Variants in ATP8B1 observed in about 807,000 individuals in gnomAD.
The protein encoded by ATP8B1 is phospholipid-transporting ATPase IC.
Under a neutral mutation model 149.9 loss-of-function variants are expected in ATP8B1, and 80 were observed. The observed-to-expected ratio is 0.53, with a 90% CI of 0.45 to 0.64. The LOEUF (loss-of-function observed/expected upper bound fraction) is 0.64, where lower values mean the gene tolerates loss of function less well. Ranked by LOEUF, ATP8B1 falls within the 30% of genes least tolerant of loss-of-function variation. The pLI, the probability that ATP8B1 is intolerant of heterozygous loss-of-function variation, is 0.00. For missense variants in ATP8B1, 1,247 were observed against 1,552.6 expected, an observed-to-expected ratio of 0.80 and a Z score of 3.31; for synonymous variants, 536 against 562.8, an observed-to-expected ratio of 0.95 and a Z score of 0.67.
chr18:57,743,995 G>A (rs955030583), intron 1 of ATP8B1, among the ~76,000 whole-genome samples: 2 of 152,072 alleles, frequency 1.3e-5, no homozygotes, highest in Non-Finnish European at 2.9e-5. Flanking sequence ...AACACTCAGT[G>A]CATGAATCTA....
At chr18:57,691,049 C>T (rs1373295782) in intron 12 of ATP8B1, among the ~76,000 whole-genome samples, 2 of 151,966 alleles carry the variant, frequency 1.3e-5, no homozygotes. Context: ...GTGATGGGCA[C>T]CCGTGATCCC....
intron 8 of ATP8B1, among the ~76,000 whole-genome samples, chr18:57,696,544 C>G: frequency 2.5e-5 from 1 of 40,546 alleles, no homozygotes. Flanking sequence ...TATTTTTTTC[C>G]GCCAAAAAAA....
intron 22 of ATP8B1, among the ~76,000 whole-genome samples, chr18:57,655,664 G>A (rs1909951212): frequency 6.6e-6 from 1 of 152,180 alleles, no homozygotes. Flanking sequence ...TCTCATGTGG[G>A]TGACGAATTC....
At chr18:57,754,718 C>T (rs1019195380) in intron 1 of ATP8B1, among the ~76,000 whole-genome samples, 2 of 152,116 alleles carry the variant, frequency 1.3e-5, no homozygotes, top group Non-Finnish European at 1.5e-5. Context: ...CAGCCCACGC[C>T]GGGGCTCAAA....
chr18:57,655,312 A>G lies in ATP8B1; in HGVS notation c.2813T>C (p.Val938Ala). Reference protein sequence around the residue: ...QFRYLQRLLLVHGRWSYIRMC... With the variant: ...QFRYLQRLLLAHGRWSYIRMC... The stretch of plus-strand genomic sequence containing the variant: ...CCTTATGTAAGACCATCGGCCATGC[A>G]CCAGCAGTAGCCTCTGCAGATATCG... The change falls in exon 23 of 28, where the codon GTG (valine) becomes GCG (alanine). Residue 938 changes from valine to alanine, a missense_variant. Around this residue, in one of 3 missense-constraint regions of ATP8B1, gnomAD observed 230 missense variants for 356.6 expected, o/e 0.65. Coordinates refer to ENST00000648908, the MANE Select transcript of ATP8B1 (RefSeq NM_001374385.1). 6.2e-7 allele frequency: 1 copy of G among 1,614,188 alleles called. No homozygotes were observed. Among genetic ancestry groups the G allele is most frequent in the Non-Finnish European group, 8.5e-7 (1 of 1,179,990 alleles).
chr18:57,720,927 G>A (rs2079639037), intron 2 of ATP8B1, among the ~76,000 whole-genome samples: 1 of 150,338 alleles, frequency 6.7e-6, no homozygotes, highest in Non-Finnish European at 1.5e-5. Context: ...CCAGAAGAGA[G>A]TGGGGGCCAG....
At chr18:57,708,418 A>G (rs1055046981) in intron 2 of ATP8B1, 1 of 152,178 alleles carries the variant, frequency 6.6e-6, no homozygotes, top group Non-Finnish European at 1.5e-5. Flanking sequence ...CTGTAATCAC[A>G]TAGGCAATCA....
chr18:57,666,997 AC>A, intron 20 of ATP8B1, 94 bp downstream of exon 20: 1 of 1,129,908 alleles, frequency 8.9e-7, no homozygotes, highest in Non-Finnish European at 1.3e-6. Flanking sequence ...ACACATCGTA[AC>A]CCCTATTTCT....
intron 11 of ATP8B1, among the ~76,000 whole-genome samples, chr18:57,692,310 T>TA (rs1445093872): frequency 6.6e-6 from 1 of 152,106 alleles, no homozygotes; most frequent in Non-Finnish European, 1.5e-5. Flanking sequence ...TTCTCTCAAT[T>TA]ACGTTTACTT....
chr18:57,668,270 T>G (rs1020773201), intron 19 of ATP8B1, 159 bp downstream of exon 19: 36 of 1,337,658 alleles, frequency 2.7e-5, no homozygotes, highest in Non-Finnish European at 3.6e-5. Flanking sequence ...AAGAATGTGC[T>G]GGAAAAACAG....
At chr18:57,761,033 AAAAT>A (rs1357180633) in intron 1 of ATP8B1, among the ~76,000 whole-genome samples, 8 of 123,002 alleles carry the variant, frequency 6.5e-5, no homozygotes, top group African/African-American at 1.7e-4. Context: ...AACATAAAAT[AAAAT>A]AAATAAAATA....
intron 1 of ATP8B1, among the ~76,000 whole-genome samples, chr18:57,758,040 C>T (rs2080102259): frequency 1.3e-5 from 2 of 152,088 alleles, no homozygotes; most frequent in African/African-American, 4.8e-5. Flanking sequence ...ATGGGGGTCT[C>T]ACCGTGTAGC....
chr18:57,734,550 C>T (rs1307051825), intron 1 of ATP8B1, among the ~76,000 whole-genome samples: 1 of 152,166 alleles, frequency 6.6e-6, no homozygotes, highest in African/African-American at 2.4e-5. Context: ...AATGTCTATT[C>T]ATGTCCTTTG....
At chr18:57,792,936 C>T (rs569044469) in intron 1 of ATP8B1, among the ~76,000 whole-genome samples, 6 of 152,248 alleles carry the variant, frequency 3.9e-5, no homozygotes, top group Admixed American at 2.6e-4. Flanking sequence ...GGTTACAGAC[C>T]GCCCTCCTGT....
At chr18:57,654,891 C>G (rs112028430) in intron 23 of ATP8B1, among the ~76,000 whole-genome samples, 1 of 150,414 alleles carries the variant, frequency 6.6e-6, no homozygotes, top group Admixed American at 6.6e-5. Context: ...TTCACCATGT[C>G]GGCCAGACTG....
At chr18:57,674,241 C>CAAAAAAAAAAAAAAAAAAAAAAA (rs745500180) in intron 16 of ATP8B1, among the ~76,000 whole-genome samples, 1 of 82,610 alleles carries the variant, frequency 1.2e-5, no homozygotes, top group Non-Finnish European at 2.3e-5. Flanking sequence ...GACTCCATCT[C>CAAAAAAAAAAAAAAAAAAAAAAA]AAAAAAAAAA....
rs148363081 is a variant in ATP8B1 at position 57,780,112 on chromosome 18, TTGTC to T, written c.-26+22882_-26+22885del. ...ATTATGAATCTCAAATTTCACAAAT[TTGTC>T]TGTCTGTGTAAAATTGTTTTGGAAG... On this transcript the variant is annotated intron_variant, in intron 1 of 27. Transcript: ENST00000648908. Among the ~76,000 whole-genome samples the T allele has an allele frequency of 7.6e-3, 1,152 of 152,292 alleles. 6 individuals carry two copies. Among genetic ancestry groups the T allele is most frequent in the Middle Eastern group, 0.02 (6 of 294 alleles).
At chr18:57,682,006 TA>T (rs1411291774) in intron 15 of ATP8B1, among the ~76,000 whole-genome samples, 3 of 121,490 alleles carry the variant, frequency 2.5e-5, no homozygotes, top group East Asian at 7.8e-4. Flanking sequence ...GACTTTGTGT[TA>T]TTTTTTTTTT....
chr18:57,733,008 A>G (rs547047088), intron 1 of ATP8B1, among the ~76,000 whole-genome samples: 27 of 152,172 alleles, frequency 1.8e-4, no homozygotes, highest in Non-Finnish European at 3.5e-4. Context: ...ACTTCCCAGG[A>G]ACACTCCCTA....
Sources: allele counts gnomAD v4.1 joint callset (sites outside exome capture counted in the v4.1 genomes callset), GRCh38; gene constraint gnomAD v4.1.1; regional missense constraint gnomAD v4.1.1; transcripts MANE v1.5; gene names NCBI Gene and HGNC (gene_info 2026-07-23, HGNC 2026-07-21).